DOCK8: variants seen among roughly 807,000 people sequenced by gnomAD.
DOCK8 encodes the protein dedicator of cytokinesis 8, also known as dedicator of cytokinesis protein 8.
DOCK8 carries 141 observed loss-of-function variants against 245.6 expected under a neutral mutation model. That is an observed-to-expected ratio of 0.57 (90% confidence interval 0.50 to 0.66). The LOEUF is 0.66. DOCK8 is among the 30% of genes least tolerant of loss of function. The pLI, the probability that DOCK8 is intolerant of heterozygous loss-of-function variation, is 0.00. For missense variants in DOCK8, 2,965 were observed against 2,603.4 expected, an observed-to-expected ratio of 1.14 and a Z score of -3.02; for synonymous variants, 1,168 against 970.2, an observed-to-expected ratio of 1.20 and a Z score of -3.79.
intron 14 of DOCK8, among the ~76,000 whole-genome samples, chr9:361,814 A>G (rs1210816285): frequency 3.3e-5 from 5 of 152,212 alleles, no homozygotes; most frequent in Non-Finnish European, 1.5e-5. Flanking sequence ...TTTCGAAATA[A>G]AATCTACTTT....
chr9:417,732 G>A (rs1161286410), intron 29 of DOCK8, among the ~76,000 whole-genome samples: 2 of 152,064 alleles, frequency 1.3e-5, no homozygotes, highest in African/African-American at 2.4e-5. Context: ...TGTAATTGTA[G>A]GTGTCTTCTA....
At chr9:386,985 G>T (rs2053982649) in intron 23 of DOCK8, among the ~76,000 whole-genome samples, 1 of 152,102 alleles carries the variant, frequency 6.6e-6, no homozygotes, top group South Asian at 2.1e-4. Flanking sequence ...TGCTTACCAG[G>T]ATTTTTAAAG....
intron 1 of DOCK8, among the ~76,000 whole-genome samples, chr9:238,168 A>G (rs547281676): frequency 8.5e-5 from 13 of 152,340 alleles, no homozygotes; most frequent in African/African-American, 2.9e-4. Context: ...CAATGCACAG[A>G]GCCATTGCTA....
At chr9:363,702 T>G (rs1019646618) in intron 14 of DOCK8, among the ~76,000 whole-genome samples, 4 of 152,186 alleles carry the variant, frequency 2.6e-5, no homozygotes, top group African/African-American at 9.7e-5. Flanking sequence ...ATCTTGAAGT[T>G]TCCTTCCAGC....
intron 14 of DOCK8, among the ~76,000 whole-genome samples, chr9:363,946 A>T (rs1210780100): frequency 6.6e-6 from 1 of 152,220 alleles, no homozygotes; most frequent in Non-Finnish European, 1.5e-5. Flanking sequence ...AGTCCCTTTC[A>T]TCCAGCTACT....
intron 1 of DOCK8, among the ~76,000 whole-genome samples, chr9:254,051 T>C (rs13286967): frequency 0.045 from 6,846 of 152,316 alleles, 187 homozygotes; most frequent in South Asian, 0.08. Flanking sequence ...GAAAGCACTT[T>C]TCCTTATGTG....
intron 1 of DOCK8, among the ~76,000 whole-genome samples, chr9:244,183 G>A (rs751536245): frequency 8.9e-4 from 93 of 104,216 alleles, no homozygotes; most frequent in African/African-American, 3.3e-3. Flanking sequence ...GCCAGACTCC[G>A]TCTGAAAAAA....
intron 1 of DOCK8, among the ~76,000 whole-genome samples, chr9:261,658 G>A (rs1209816212): frequency 6.6e-6 from 1 of 152,036 alleles, no homozygotes; most frequent in Non-Finnish European, 1.5e-5. Flanking sequence ...GTATCTCTGG[G>A]TTTTTTTAAT....
At chr9:407,215 A>G (rs1257725875) in intron 28 of DOCK8, 146 bp downstream of exon 28, 7 of 1,279,826 alleles carry the variant, frequency 5.5e-6, no homozygotes, top group East Asian at 2.5e-5. Flanking sequence ...TCTTGAGAAT[A>G]TGGTACCCAT....
chr9:365,034 C>T (rs1016078960), intron 14 of DOCK8, among the ~76,000 whole-genome samples: 1 of 152,092 alleles, frequency 6.6e-6, no homozygotes, highest in Non-Finnish European at 1.5e-5. Flanking sequence ...TTGGAATGTT[C>T]TAGGTTTTGA....
In DOCK8 at chr9:403,302, C is replaced by T. The variant is rs545358495; in HGVS notation, c.3235-1616C>T. On this transcript the variant is annotated intron_variant, in intron 26 of 47. Coordinates refer to ENST00000432829, the MANE Select transcript of DOCK8 (RefSeq NM_203447.4). Reference sequence around the variant, plus strand: ...TCAAGTTCCGATAGCCGGCTTGACCCGACACCTGTTAATGAGTAACCTAAG... The same window carrying T: ...TCAAGTTCCGATAGCCGGCTTGACCTGACACCTGTTAATGAGTAACCTAAG... 1.6e-3 allele frequency among the ~76,000 whole-genome samples: 243 copies of T among 152,236 alleles called. 1 individual carries two copies. Among genetic ancestry groups the T allele is most frequent in the African/African-American group, 5.6e-3 (234 of 41,540 alleles).
chr9:430,141 G>A (rs1228589493), intron 36 of DOCK8, among the ~76,000 whole-genome samples: 1 of 152,128 alleles, frequency 6.6e-6, no homozygotes, highest in African/African-American at 2.4e-5. Context: ...TTGGGAGGCC[G>A]AGGTGAGTGG....
At chr9:426,821 T>G (rs2056519947) in intron 33 of DOCK8, 64 bp from the exon 34 acceptor site, 1 of 1,294,260 alleles carries the variant, frequency 7.7e-7, no homozygotes, top group Admixed American at 1.7e-5. Flanking sequence ...GTGTATAGAT[T>G]GCCATCATGG....
chr9:403,893 TATATATATATATATATATATATAC>T (rs2055242172), intron 26 of DOCK8, among the ~76,000 whole-genome samples: 1 of 65,632 alleles, frequency 1.5e-5, no homozygotes, highest in Admixed American at 1.7e-4. Context: ...TCTCTCTCTC[TATATATATATATATATATATATAC>T]ATATATATAT....
At chr9:246,245 G>A (rs891592093) in intron 1 of DOCK8, among the ~76,000 whole-genome samples, 1 of 152,126 alleles carries the variant, frequency 6.6e-6, no homozygotes, top group East Asian at 1.9e-4. Context: ...ATCTGGCCAG[G>A]TGTGGTTGCT....
At chr9:287,177 A>T (rs1055511217) in intron 3 of DOCK8, among the ~76,000 whole-genome samples, 3 of 152,324 alleles carry the variant, frequency 2.0e-5, no homozygotes, top group African/African-American at 7.2e-5. Context: ...CCTTTAAAGA[A>T]AGTGTCATGC....
intron 2 of DOCK8, among the ~76,000 whole-genome samples, chr9:285,834 G>A (rs145625016): frequency 4.6e-5 from 7 of 152,222 alleles, no homozygotes; most frequent in South Asian, 2.1e-4. Flanking sequence ...GTTTCCTTGC[G>A]TAGCTGCAGT....
chr9:411,705 A>G (rs1229268274), intron 28 of DOCK8, among the ~76,000 whole-genome samples: 2 of 152,130 alleles, frequency 1.3e-5, no homozygotes, highest in African/African-American at 4.8e-5. Context: ...ACACTAGCAA[A>G]CTGAATCCAA....
chr9:327,561 T>C (rs2050819926), intron 8 of DOCK8, among the ~76,000 whole-genome samples: 1 of 151,984 alleles, frequency 6.6e-6, no homozygotes, highest in Non-Finnish European at 1.5e-5. Context: ...CCATGCTGGC[T>C]AGTTTTTGTA....
Sources: gnomAD v4.1 joint callset for allele counts (sites outside exome capture counted in the v4.1 genomes callset) on GRCh38, gnomAD v4.1.1 for gene constraint, MANE v1.5 for transcripts, NCBI Gene and HGNC (gene_info 2026-07-23, HGNC 2026-07-21) for gene names.